Variants in CAMSAP1 observed in about 807,000 individuals in gnomAD.
CAMSAP1 encodes the protein calmodulin regulated spectrin associated protein 1.
CAMSAP1 carries 58 observed loss-of-function variants against 143.5 expected under a neutral mutation model. The ratio of observed to expected loss-of-function variants is 0.40; its 90% CI spans 0.33 to 0.50. The LOEUF (loss-of-function observed/expected upper bound fraction) is 0.50, where lower values mean the gene tolerates loss of function less well. Ranked by LOEUF, CAMSAP1 falls within the 20% of genes least tolerant of loss-of-function variation. The pLI, the probability that CAMSAP1 is intolerant of heterozygous loss-of-function variation, is 0.45. For synonymous variants in CAMSAP1, 945 were observed against 859.3 expected, an observed-to-expected ratio of 1.10 and a Z score of -1.74; for missense variants, 1,969 against 2,115.7, an observed-to-expected ratio of 0.93 and a Z score of 1.36.
intron 1 of CAMSAP1, among the ~76,000 whole-genome samples, chr9:135,892,866 A>AAAAAAAAAAAAAAAAAAAAAAAT: frequency 1.4e-5 from 2 of 146,404 alleles, no homozygotes; most frequent in Non-Finnish European, 3.0e-5. Flanking sequence ...AAAAAAAAAA[A>AAAAAAAAAAAAAAAAAAAAAAAT]AGAACTAATC....
At chr9:135,867,335 A>G (rs1165522153) in intron 3 of CAMSAP1, among the ~76,000 whole-genome samples, 1 of 152,212 alleles carries the variant, frequency 6.6e-6, no homozygotes, top group African/African-American at 2.4e-5. Context: ...CAAGTTTTGT[A>G]TGCATGATTA....
intron 4 of CAMSAP1, among the ~76,000 whole-genome samples, chr9:135,864,525 A>G (rs1837306610): frequency 6.6e-6 from 1 of 152,134 alleles, no homozygotes. Flanking sequence ...TTAATGGAGT[A>G]TGCATAAAGC....
Position 135,821,171 on chromosome 9 carries a change from A to T in CAMSAP1, c.3490T>A (p.Cys1164Ser). ...LEPSGDPHGK[C>S]LFDSYRLHDE... ...TGGAGCCTGTAACTGTCGAAGAGAC[A>T]CTTCCCATGTGGGTCACCACTGGGC... Residue 1164 changes from cysteine to serine, a missense_variant, in exon 11 of 17, where the codon TGT becomes AGT. Coordinates refer to ENST00000389532, the MANE Select transcript of CAMSAP1 (RefSeq NM_015447.4). This position sits in a 1 kb window ranked among gnomAD's most constrained non-coding sequence, Gnocchi z 4.6. The T allele has an allele frequency of 6.2e-7, 1 of 1,611,152 alleles. No individual in the cohort carries two copies.
At chr9:135,874,768 T>C (rs1314586264) in intron 3 of CAMSAP1, among the ~76,000 whole-genome samples, 2 of 151,830 alleles carry the variant, frequency 1.3e-5, no homozygotes, top group East Asian at 3.9e-4. Context: ...ATGTAGAAAA[T>C]CTTAAGGAAT....
chr9:135,889,697 G>A (rs1310597109), intron 1 of CAMSAP1, among the ~76,000 whole-genome samples: 3 of 152,194 alleles, frequency 2.0e-5, no homozygotes, highest in Non-Finnish European at 4.4e-5. Flanking sequence ...AGACACTAAG[G>A]GGCAACCCTC....
chr9:135,822,554 G>A lies in CAMSAP1; in HGVS notation c.2107C>T (p.His703Tyr). ...QGPSTDGFFL[H>Y]VGRADEDTEG... ...GTGTCTTCATCGGCCCTGCCTACAT[G>A]AAGGAAGAAGCCATCCGTGGATGGT... is the stretch of plus-strand genomic sequence containing the variant. Residue 703 changes from histidine (H) to tyrosine (Y), a missense_variant, in exon 11 of 17, where the codon CAT becomes TAT. By Grantham distance (83) the His-to-Tyr change is moderately conservative. Coordinates refer to ENST00000389532, the MANE Select transcript of CAMSAP1 (RefSeq NM_015447.4). The surrounding 1 kb of genome is among the most constrained non-coding windows in gnomAD (Gnocchi z 6.1). The A allele has an allele frequency of 6.2e-7, 1 of 1,613,752 alleles. No homozygotes were observed. The highest frequency in any genetic ancestry group is 1.1e-5 in the South Asian group (1 of 91,072).
Position 135,824,549 on chromosome 9 carries a change from C to T in CAMSAP1, c.1315+240G>A, listed in dbSNP as rs866481837. 2.6e-5 allele frequency among the ~76,000 whole-genome samples: 4 copies of T among 152,132 alleles called. No individual in the cohort carries two copies. Among genetic ancestry groups the T allele is most frequent in the African/African-American group, 9.7e-5 (4 of 41,412 alleles). ...GCATGGTGGCATGCGCCTATAATCCCAGCTATGTGGGAGGCTGAGGCAGGA... is the reference window on the plus strand; with the variant it reads ...GCATGGTGGCATGCGCCTATAATCCTAGCTATGTGGGAGGCTGAGGCAGGA... On this transcript the variant is annotated intron_variant, in intron 9 of 16. Coordinates refer to ENST00000389532, the MANE Select transcript of CAMSAP1 (RefSeq NM_015447.4). The surrounding 1 kb of genome is among the most constrained non-coding windows in gnomAD (Gnocchi z 4.1).
At chr9:135,871,586 T>G (rs1837572050) in intron 3 of CAMSAP1, among the ~76,000 whole-genome samples, 1 of 152,188 alleles carries the variant, frequency 6.6e-6, no homozygotes, top group Admixed American at 6.5e-5. Context: ...TTTTTAAACT[T>G]TCTGATTTTT....
rs562590673 is a variant in CAMSAP1, at chr9:135,881,752, T to C, written c.466A>G (p.Thr156Ala). Reference sequence around the variant, plus strand: ...TTCTCGATGCTGATCATCTCCACAGTGTAGGCCATCATCAGGGCATCCACC... The same window carrying C: ...TTCTCGATGCTGATCATCTCCACAGCGTAGGCCATCATCAGGGCATCCACC... ...AMVDALMMAY[T>A]VEMISIEKVV... The change falls in exon 3 of 17, where the codon ACT (threonine) becomes GCT (alanine). Residue 156 changes from threonine to alanine, a missense_variant. Physicochemically the swap from Thr to Ala is moderately conservative, Grantham distance 58. Transcript: ENST00000389532. The C allele has an allele frequency of 2.2e-5, 34 of 1,551,882 alleles. No homozygotes were observed. The East Asian group carries it at 7.3e-4, about 33-fold the overall frequency.
chr9:135,845,487 A>G (rs1836519159), intron 7 of CAMSAP1, among the ~76,000 whole-genome samples: 1 of 152,338 alleles, frequency 6.6e-6, no homozygotes, highest in Non-Finnish European at 1.5e-5. Context: ...CACCACTCCT[A>G]TTCAACACAG....
intron 1 of CAMSAP1, among the ~76,000 whole-genome samples, chr9:135,889,821 C>T (rs1024247682): frequency 6.6e-6 from 1 of 152,200 alleles, no homozygotes; most frequent in Non-Finnish European, 1.5e-5. Context: ...GAGGCCCGGC[C>T]GGCCACCCTC....
intron 1 of CAMSAP1, among the ~76,000 whole-genome samples, chr9:135,886,821 A>C (rs58369523): frequency 0.022 from 3,296 of 152,326 alleles, 130 homozygotes; most frequent in African/African-American, 0.074. Flanking sequence ...CGGGAAGGGG[A>C]ACCACTGCCC....
At chr9:135,851,138 G>C (rs143730420) in intron 5 of CAMSAP1, among the ~76,000 whole-genome samples, 1 of 152,180 alleles carries the variant, frequency 6.6e-6, no homozygotes, top group African/African-American at 2.4e-5. Context: ...GGTGTGGAGT[G>C]GGGGGTGGCC....
intron 4 of CAMSAP1, among the ~76,000 whole-genome samples, chr9:135,864,462 T>C (rs541806714): frequency 2.0e-5 from 3 of 152,228 alleles, no homozygotes; most frequent in African/African-American, 7.2e-5. Context: ...GCCTCGAGGA[T>C]GGACTTCAAA....
At chr9:135,905,668 CAGAA>C (rs879613794) in intron 1 of CAMSAP1, among the ~76,000 whole-genome samples, 9 of 152,196 alleles carry the variant, frequency 5.9e-5, no homozygotes, top group African/African-American at 1.2e-4. Flanking sequence ...AAGCCAGTCT[CAGAA>C]AGAGACATCA....
At position 135,900,665 on chromosome 9, in the gene CAMSAP1, A is replaced by G. The variant is rs538997816; in HGVS notation, c.160+6335T>C. On this transcript the variant is annotated intron_variant, in intron 1 of 16. Coordinates refer to ENST00000389532, the MANE Select transcript of CAMSAP1 (RefSeq NM_015447.4). ...AGCCAAGATCATGCCACTGCACTCCAGCCTGGGCGACAGAGCGAGATTCCG... is the reference window on the plus strand; with the variant it reads ...AGCCAAGATCATGCCACTGCACTCCGGCCTGGGCGACAGAGCGAGATTCCG... 3.3e-5 allele frequency among the ~76,000 whole-genome samples: 5 copies of G among 152,128 alleles called. No homozygotes were observed. The East Asian group carries it at 9.8e-4, about 30-fold the overall frequency.
intron 3 of CAMSAP1, among the ~76,000 whole-genome samples, chr9:135,867,489 TAAA>T (rs140462483): frequency 0.015 from 2,086 of 142,502 alleles, 58 homozygotes; most frequent in African/African-American, 0.042. Context: ...TTTTTTTTTT[TAAA>T]AAAAAAGTCT....
chr9:135,809,883 T>C lies in CAMSAP1; in HGVS notation c.*1426A>G, dbSNP rs1014058327. The C allele has an allele frequency of 1.3e-5, 2 of 152,658 alleles. No individual in the cohort carries two copies. Among genetic ancestry groups the C allele is most frequent in the African/African-American group, 4.8e-5 (2 of 41,476 alleles). 9.5% of individuals were successfully genotyped at this position (152,658 alleles called of 1,614,324 possible). ...TAATTCCTTCTAGCCTTCTGTACCATGTTCCCTCCTTATGTACACGACTCA... is the reference window on the plus strand; with the variant it reads ...TAATTCCTTCTAGCCTTCTGTACCACGTTCCCTCCTTATGTACACGACTCA... On this transcript the variant is annotated 3_prime_UTR_variant, in exon 17 of 17. Coordinates refer to ENST00000389532, the MANE Select transcript of CAMSAP1 (RefSeq NM_015447.4).
In CAMSAP1 at chr9:135,818,250, C is replaced by G; in HGVS notation, c.4168+158G>C. 3 of 1,092,752 alleles carry G rather than the reference C, an allele frequency of 2.7e-6. No homozygotes were observed. Among genetic ancestry groups the G allele is most frequent in the East Asian group, 2.6e-5 (1 of 38,466 alleles). 67.7% of individuals were successfully genotyped at this position (1,092,752 alleles called of 1,614,324 possible). ...CCTGGATGTGCCGCACATCTCAGAGCATCTGGTCTCAACATTGTCATCCAT... is the reference window on the plus strand; with the variant it reads ...CCTGGATGTGCCGCACATCTCAGAGGATCTGGTCTCAACATTGTCATCCAT... On this transcript the variant is annotated intron_variant, in intron 13 of 16. Transcript: ENST00000389532. The surrounding 1 kb of genome is among the most constrained non-coding windows in gnomAD (Gnocchi z 7.7).
Sources: gnomAD v4.1 joint callset for allele counts (sites outside exome capture counted in the v4.1 genomes callset) on GRCh38, gnomAD v4.1.1 for gene constraint, Gnocchi (gnomAD v3.1) non-coding constraint, MANE v1.5 for transcripts, NCBI Gene and HGNC (gene_info 2026-07-23, HGNC 2026-07-21) for gene names.